The following VAPB variants were observed in gnomAD, a reference collection of about 807,000 sequenced individuals.
VAPB encodes the protein VAMP associated protein B and C.
Under a neutral mutation model 25.6 loss-of-function variants are expected in VAPB, and 7 were observed. That is an observed-to-expected ratio of 0.27 (90% CI 0.16 to 0.51). The LOEUF is 0.51. VAPB is among the 20% of genes least tolerant of loss of function. The pLI is 0.97. For synonymous variants in VAPB, 112 were observed against 109.2 expected (o/e 1.03, Z -0.16); for missense variants, 266 against 301.3 (o/e 0.88, Z 0.87).
rs748371538 is a variant in VAPB, at chr20:58,389,473, A to G, written c.14A>G (p.Glu5Gly). The G allele has an allele frequency of 1.3e-6, 2 of 1,596,996 alleles. No individual in the cohort carries two copies. Among genetic ancestry groups the G allele is most frequent in the Non-Finnish European group, 1.7e-6 (2 of 1,172,696 alleles). The change falls in exon 1 of 6, where the codon GAG (glutamate) becomes GGG (glycine). Residue 5 changes from glutamate to glycine, a missense_variant. By Grantham distance (98) the Glu-to-Gly change is moderately conservative. Coordinates refer to ENST00000475243, the MANE Select transcript of VAPB (RefSeq NM_004738.5). MAKV[E>G]QVLSLEPQHE... is the part of the protein sequence containing the mutation. ...CCGCTAAGGAACATGGCGAAGGTGG[A>G]GCAGGTCCTGAGCCTCGAGCCGCAG...
intron 3 of VAPB, among the ~76,000 whole-genome samples, chr20:58,436,327 CTTTTTTTT>C (rs57100987): frequency 5.0e-4 from 58 of 114,994 alleles, no homozygotes; most frequent in African/African-American, 1.9e-3. Context: ...GTTTTTCTTC[CTTTTTTTT>C]TTTTTTTTTT....
intron 4 of VAPB, 128 bp downstream of exon 4, chr20:58,439,153 A>G (rs1052923464): frequency 1.1e-6 from 1 of 897,414 alleles, no homozygotes; most frequent in Non-Finnish European, 1.7e-6. Context: ...AAGAAAAAAA[A>G]TAAGCTGAAG....
intron 1 of VAPB, among the ~76,000 whole-genome samples, chr20:58,411,407 C>T (rs912468326): frequency 6.6e-5 from 10 of 152,072 alleles, no homozygotes; most frequent in African/African-American, 1.9e-4. Context: ...TCAGCCTCCC[C>T]AGTAGCTGGG....
chr20:58,435,592 A>G (rs1255096485), intron 3 of VAPB, among the ~76,000 whole-genome samples: 1 of 152,188 alleles, frequency 6.6e-6, no homozygotes, highest in African/African-American at 2.4e-5. Flanking sequence ...TCTGAGTTTC[A>G]TACCAAGGGC....
At position 58,398,829 on chromosome 20, in the gene VAPB, A is replaced by G. The variant is rs566730390; in HGVS notation, c.58+9312A>G. Among the ~76,000 whole-genome samples the G allele has an allele frequency of 2.7e-4, 41 of 151,434 alleles. 4 individuals are homozygous for G. In the South Asian group the frequency reaches 8.3e-3, roughly 31 times the overall value. ...GAGGGTTGGAGCTGGGATTTGAATC[A>G]AGATCTGTCTGATTGCAAAGGCTAT... is the stretch of plus-strand genomic sequence containing the variant. On this transcript the variant is annotated intron_variant, in intron 1 of 5. Coordinates refer to ENST00000475243, the MANE Select transcript of VAPB (RefSeq NM_004738.5).
At chr20:58,436,543 T>C (rs1038940227) in intron 3 of VAPB, among the ~76,000 whole-genome samples, 1 of 151,864 alleles carries the variant, frequency 6.6e-6, no homozygotes, top group Non-Finnish European at 1.5e-5. Flanking sequence ...CCCAAGCTGG[T>C]CTCAAACTCC....
chr20:58,400,134 G>A (rs886687907), intron 1 of VAPB, among the ~76,000 whole-genome samples: 1 of 152,190 alleles, frequency 6.6e-6, no homozygotes, highest in African/African-American at 2.4e-5. Context: ...TCCCAAGCCT[G>A]TGTGCTTTGC....
intron 1 of VAPB, among the ~76,000 whole-genome samples, chr20:58,415,624 T>G (rs188357399): frequency 6.6e-6 from 1 of 152,292 alleles, no homozygotes; most frequent in Admixed American, 6.5e-5. Context: ...AATTCTAAGT[T>G]TAGAAGGAGA....
Position 58,444,172 on chromosome 20 carries a change from G to A in VAPB, c.669G>A (p.Arg223=). 1 of 1,614,208 alleles carries A rather than the reference G, an allele frequency of 6.2e-7. No homozygotes were observed. Among genetic ancestry groups the A allele is most frequent in the Non-Finnish European group, 8.5e-7 (1 of 1,180,040 alleles). The change falls in exon 6 of 6, where the codon CGG becomes CGA. Residue 223 remains arginine (R), a synonymous_variant. Coordinates refer to ENST00000475243, the MANE Select transcript of VAPB (RefSeq NM_004738.5). ...GGAAGGAAGAAGGCCTTAGCACCCGGCTCTTGGCTCTGGTGGTTTTGTTCT... is the reference window on the plus strand; with the variant it reads ...GGAAGGAAGAAGGCCTTAGCACCCGACTCTTGGCTCTGGTGGTTTTGTTCT... ...PTGKEEGLST[R]LLALVVLFFI...
chr20:58,449,187 C>T lies in VAPB; in HGVS notation c.*4952C>T, dbSNP rs116665485. ...ACCTCTTCCTCCAGCCTCTGAATCC[C>T]ATTAGCCACAGCCTAGAACATTAGC... On this transcript the variant is annotated 3_prime_UTR_variant, in exon 6 of 6. Coordinates refer to ENST00000475243, the MANE Select transcript of VAPB (RefSeq NM_004738.5). The T allele has an allele frequency of 6.9e-3, 3,122 of 454,140 alleles. 82 individuals are homozygous for T. Among genetic ancestry groups the T allele is most frequent in the African/African-American group, 0.058 (2,885 of 50,138 alleles). The allele number at this position is 454,140 out of a possible 1,614,324, so 28.1% of individuals were successfully genotyped here.
intron 4 of VAPB, 85 bp from the exon 5 acceptor site, chr20:58,440,822 T>G (rs1172417041): frequency 1.5e-6 from 2 of 1,309,452 alleles, no homozygotes; most frequent in Non-Finnish European, 2.2e-6. Flanking sequence ...ACGTTTGGTG[T>G]TTGCTGAGAA....
chr20:58,449,429 T>C lies in VAPB; in HGVS notation c.*5194T>C. On this transcript the variant is annotated 3_prime_UTR_variant, in exon 6 of 6. Coordinates refer to ENST00000475243, the MANE Select transcript of VAPB (RefSeq NM_004738.5). ...GTGGATGAGAGGTTGTCTTCATGAA[T>C]ATAATTACTTGAGATTTTTTTTTCT... 2.2e-6 allele frequency: 1 copy of C among 452,566 alleles called. No individual in the cohort carries two copies. The highest frequency in any genetic ancestry group is 4.4e-6 in the Non-Finnish European group (1 of 226,494). The allele number at this position is 452,566 out of a possible 1,614,324, so 28.0% of individuals were successfully genotyped here.
intron 1 of VAPB, among the ~76,000 whole-genome samples, chr20:58,416,670 C>T (rs1450879523): frequency 2.6e-5 from 4 of 152,022 alleles, no homozygotes; most frequent in Non-Finnish European, 5.9e-5. Context: ...AACTAGCTGT[C>T]GTTTGATTTT....
chr20:58,414,478 GCC>G (rs1988481775), intron 1 of VAPB, among the ~76,000 whole-genome samples: 2 of 151,700 alleles, frequency 1.3e-5, no homozygotes, highest in African/African-American at 4.8e-5. Flanking sequence ...CGGGGCGGTT[GCC>G]GGGCAGAGGG....
Position 58,445,267 on chromosome 20 carries a change from AT to A in VAPB, c.*1034del. 1 of 454,242 alleles carries A rather than the reference AT, an allele frequency of 2.2e-6. No homozygotes were observed. The highest frequency in any genetic ancestry group is 1.6e-5 in the South Asian group (1 of 64,468). The allele number at this position is 454,242 out of a possible 1,614,324, so 28.1% of individuals were successfully genotyped here. A position where few individuals can be genotyped will look rare whatever the true frequency, so the allele number is the denominator to read the frequency against. On this transcript the variant is annotated 3_prime_UTR_variant, in exon 6 of 6. Transcript: ENST00000475243. Reference sequence around the variant, plus strand: ...ATTGTTCTTATACCACCTCTCAACCATTACTCACACTTCCAGCGCCCAGGTC... The same window carrying A: ...ATTGTTCTTATACCACCTCTCAACCATACTCACACTTCCAGCGCCCAGGTC...
At position 58,401,958 on chromosome 20, in the gene VAPB, C is replaced by T. The variant is rs116964560; in HGVS notation, c.58+12441C>T. Among the ~76,000 whole-genome samples the T allele has an allele frequency of 5.2e-3, 794 of 152,336 alleles. 2 individuals carry two copies. Among genetic ancestry groups the T allele is most frequent in the Middle Eastern group, 0.01 (3 of 294 alleles). On this transcript the variant is annotated intron_variant, in intron 1 of 5. Transcript: ENST00000475243. The stretch of plus-strand genomic sequence containing the variant: ...TTCTGTCCCTTCTTCCCCATTCCCT[C>T]TATGGCTGCCCCATTTTCTCCCGCA...
rs543310766 is a variant in VAPB, at chr20:58,448,017, C to T, written c.*3782C>T. On this transcript the variant is annotated 3_prime_UTR_variant, in exon 6 of 6. Coordinates refer to ENST00000475243, the MANE Select transcript of VAPB (RefSeq NM_004738.5). ...GGCCTCTCGTGGCTTTCCCTGCCCC[C>T]GGCTGTCTGGCCTGAAGAAGGAGAA... The T allele has an allele frequency of 1.8e-5, 8 of 453,696 alleles. No homozygotes were observed. Among genetic ancestry groups the T allele is most frequent in the South Asian group, 3.1e-5 (2 of 64,440 alleles). 28.1% of individuals were successfully genotyped at this position (453,696 alleles called of 1,614,324 possible).
intron 2 of VAPB, among the ~76,000 whole-genome samples, chr20:58,427,005 C>G (rs1027475458): frequency 1.3e-5 from 2 of 151,970 alleles, no homozygotes; most frequent in African/African-American, 4.8e-5. Context: ...GATCTGTGAT[C>G]TTTTACCATT....
Position 58,449,027 on chromosome 20 carries a change from C to T in VAPB, c.*4792C>T, listed in dbSNP as rs1278224589. Reference sequence around the variant, plus strand: ...ACAGCTGAGCTGCTGATGTCTCAGGCCTTTCCCTGAATTAGCACTGCGGTT... The same window carrying T: ...ACAGCTGAGCTGCTGATGTCTCAGGTCTTTCCCTGAATTAGCACTGCGGTT... On this transcript the variant is annotated 3_prime_UTR_variant, in exon 6 of 6. Transcript: ENST00000475243. 8.8e-6 allele frequency: 4 copies of T among 453,978 alleles called. No individual in the cohort carries two copies. The highest frequency in any genetic ancestry group is 1.3e-5 in the Non-Finnish European group (3 of 226,790). 28.1% of individuals were successfully genotyped at this position (453,978 alleles called of 1,614,324 possible).
Sources: gnomAD v4.1 joint callset for allele counts (sites outside exome capture counted in the v4.1 genomes callset) on GRCh38, gnomAD v4.1.1 for gene constraint, MANE v1.5 for transcripts, NCBI Gene and HGNC (gene_info 2026-07-23, HGNC 2026-07-21) for gene names.